The following MTO1 variants were observed in gnomAD, a reference collection of about 807,000 sequenced individuals.
MTO1 encodes the protein mitochondrial tRNA translation optimization 1.
MTO1 carries 46 observed loss-of-function variants against 71.6 expected under a neutral mutation model. The observed-to-expected ratio is 0.64, with a 90% CI of 0.51 to 0.82. The LOEUF (loss-of-function observed/expected upper bound fraction) is 0.82, where lower values mean the gene tolerates loss of function less well. MTO1 is among the 40% of genes least tolerant of loss of function. The pLI, the probability that MTO1 is intolerant of heterozygous loss-of-function variation, is 0.00. For synonymous variants in MTO1, 297 were observed against 312.1 expected, an observed-to-expected ratio of 0.95 and a Z score of 0.51; for missense variants, 773 against 867.5, an observed-to-expected ratio of 0.89 and a Z score of 1.37.
chr6:73,481,941 T>C, intron 7 of MTO1, 99 bp from the exon 8 acceptor site: 1 of 1,327,672 alleles, frequency 7.5e-7, no homozygotes, highest in Non-Finnish European at 1.1e-6. Context: ...ATACTTGCTT[T>C]CTTCCTGTCC....
intron 9 of MTO1, among the ~76,000 whole-genome samples, chr6:73,488,663 A>C (rs1771725263): frequency 6.6e-6 from 1 of 151,862 alleles, no homozygotes; most frequent in South Asian, 2.1e-4. Flanking sequence ...TAATTTCAGC[A>C]CTTGGGAGGC....
At chr6:73,495,077 C>T (rs1242427856) in intron 10 of MTO1, among the ~76,000 whole-genome samples, 4 of 152,098 alleles carry the variant, frequency 2.6e-5, no homozygotes, top group African/African-American at 9.7e-5. Flanking sequence ...AGCCACCATA[C>T]CCAGCCAGCA....
In MTO1 at chr6:73,473,379, G is replaced by A; in HGVS notation, c.550G>A (p.Val184Ile). ...TTGTTATTTAGTGGATGGAAGCACA[G>A]TATATGCAGAGAGTGTGATTCTGAC... Reference protein sequence around the residue: ...SGVVLVDGSTVYAESVILTTG... With the variant: ...SGVVLVDGSTIYAESVILTTG... The change falls in exon 4 of 12, where the codon GTA (valine) becomes ATA (isoleucine). Residue 184 changes from valine to isoleucine, a missense_variant. By Grantham distance (29) the Val-to-Ile change is conservative. Coordinates refer to ENST00000498286, the MANE Select transcript of MTO1 (RefSeq NM_012123.4). The A allele has an allele frequency of 6.2e-7, 1 of 1,613,368 alleles. No homozygotes were observed. The highest frequency in any genetic ancestry group is 8.5e-7 in the Non-Finnish European group (1 of 1,179,500).
chr6:73,499,089 T>G (rs1015769608), intron 11 of MTO1, among the ~76,000 whole-genome samples: 2 of 152,056 alleles, frequency 1.3e-5, no homozygotes, highest in African/African-American at 2.4e-5. Context: ...ATTTTTTTTT[T>G]AGTAGTGTTT....
chr6:73,481,054 G>A, intron 7 of MTO1: 1 of 452,138 alleles, frequency 2.2e-6, no homozygotes. Flanking sequence ...CCAGCTTCAA[G>A]CGATCCTCCT....
rs972798325 is a variant in MTO1 at position 73,503,041 on chromosome 6, A to G, written c.*2306A>G. 2.0e-5 allele frequency: 3 copies of G among 152,236 alleles called. No homozygotes were observed. Among genetic ancestry groups the G allele is most frequent in the Admixed American group, 6.5e-5 (1 of 15,272 alleles). The allele number at this position is 152,236 out of a possible 1,614,324, so 9.4% of individuals were successfully genotyped here. A position where few individuals can be genotyped will look rare whatever the true frequency, so the allele number is the denominator to read the frequency against. The stretch of plus-strand genomic sequence containing the variant: ...TGTAATGCTATTCCATTACAATAGT[A>G]ACTGTCTCACTGAAAAATGTTTCAT... On this transcript the variant is annotated 3_prime_UTR_variant, in exon 12 of 12. Coordinates refer to ENST00000498286, the MANE Select transcript of MTO1 (RefSeq NM_012123.4).
chr6:73,494,166 C>T (rs1398190458), intron 10 of MTO1, among the ~76,000 whole-genome samples: 2 of 151,614 alleles, frequency 1.3e-5, no homozygotes, highest in East Asian at 2.0e-4. Context: ...ACCCAGGAGA[C>T]GGAGGTTGCA....
chr6:73,493,583 G>T (rs1410170760), intron 10 of MTO1, among the ~76,000 whole-genome samples: 1 of 151,422 alleles, frequency 6.6e-6, no homozygotes, highest in Non-Finnish European at 1.5e-5. Context: ...TAGAGACAGG[G>T]TTTCATCACA....
chr6:73,498,787 C>T lies in MTO1; in HGVS notation c.1917+891C>T, dbSNP rs560834372. Among the ~76,000 whole-genome samples the T allele has an allele frequency of 1.5e-4, 23 of 151,558 alleles. 1 individual carries two copies. Among genetic ancestry groups the T allele is most frequent in the African/African-American group, 5.6e-4 (23 of 41,282 alleles). The stretch of plus-strand genomic sequence containing the variant: ...GTCACCAGGCTGGAGTGCAGTGGAA[C>T]GATCTCGGCTCACTGCAACCTCTGC... On this transcript the variant is annotated intron_variant, in intron 11 of 11. Transcript: ENST00000498286.
At chr6:73,479,590 A>G in intron 4 of MTO1, 142 bp from the exon 5 acceptor site, 1 of 558,108 alleles carries the variant, frequency 1.8e-6, no homozygotes. Context: ...ATTTTTGGCA[A>G]GAATACTTCA....
At chr6:73,489,276 T>TC (rs1771740569) in intron 9 of MTO1, among the ~76,000 whole-genome samples, 2 of 84,590 alleles carry the variant, frequency 2.4e-5, no homozygotes, top group Admixed American at 9.5e-5. Flanking sequence ...TTTTCTTTTT[T>TC]TCTTTTTTTT....
At chr6:73,499,281 T>C (rs1490288496) in intron 11 of MTO1, among the ~76,000 whole-genome samples, 1 of 152,132 alleles carries the variant, frequency 6.6e-6, no homozygotes, top group African/African-American at 2.4e-5. Context: ...TTTCAGGTTA[T>C]GTTTGTATGG....
rs771939280 is a variant in MTO1, at chr6:73,482,241, C to T, written c.1462C>T (p.Arg488Ter). The change falls in exon 8 of 12, where the codon CGA becomes TGA. Residue 488 changes from arginine (R) to a stop codon, truncating the protein, a stop_gained. Transcript: ENST00000498286. LOFTEE classifies it high-confidence loss of function. ...PDNADSRLTL[R>*]GYKDAGCVSQ... ...TAATGCTGACAGCCGGCTCACACTGCGAGGTAACTCTTTCCTGAGTCCTGC... is the reference window on the plus strand; with the variant it reads ...TAATGCTGACAGCCGGCTCACACTGTGAGGTAACTCTTTCCTGAGTCCTGC... The T allele has an allele frequency of 1.1e-5, 18 of 1,613,816 alleles. No individual in the cohort carries two copies. The highest frequency in any genetic ancestry group is 3.3e-5 in the Admixed American group (2 of 59,972).
In MTO1 at chr6:73,480,797, G is replaced by A; in HGVS notation, c.1252G>A (p.Ala418Thr). The change falls in exon 7 of 12, where the codon GCA becomes ACA. Residue 418 changes from alanine (A) to threonine (T), a missense_variant. Coordinates refer to ENST00000498286, the MANE Select transcript of MTO1 (RefSeq NM_012123.4). ...INGTTGYEEA[A>T]AQGVIAGINA... The stretch of plus-strand genomic sequence containing the variant: ...TGGCACCACTGGTTATGAGGAAGCT[G>A]CAGCTCAAGTAAGAAGTTAAGATAT... The A allele has an allele frequency of 6.2e-7, 1 of 1,613,856 alleles. No individual in the cohort carries two copies. The highest frequency in any genetic ancestry group is 1.1e-5 in the South Asian group (1 of 91,064).
In MTO1 at chr6:73,480,120, C is replaced by G. The variant is rs753603538; in HGVS notation, c.1123C>G (p.Gln375Glu). 10 of 1,613,710 alleles carry G rather than the reference C, an allele frequency of 6.2e-6. No homozygotes were observed. The highest frequency in any genetic ancestry group is 1.7e-4 in the Middle Eastern group (1 of 6,056). Residue 375 changes from glutamine to glutamate, a missense_variant, in exon 6 of 12, where the codon CAG (glutamine) becomes GAG (glutamate). Physicochemically the swap from Gln to Glu is conservative, Grantham distance 29 (BLOSUM62 2). Coordinates refer to ENST00000498286, the MANE Select transcript of MTO1 (RefSeq NM_012123.4). ...AGGCTTGGAGAAAGCTAAAGTGATTCAGCCAGGTAAAGAAGATCACAAGTG... is the reference window on the plus strand; with the variant it reads ...AGGCTTGGAGAAAGCTAAAGTGATTGAGCCAGGTAAAGAAGATCACAAGTG... ...IRGLEKAKVI[Q>E]PGYGVQYDYL...
chr6:73,468,976 G>GT (rs1771072819), intron 3 of MTO1, among the ~76,000 whole-genome samples: 1 of 151,700 alleles, frequency 6.6e-6, no homozygotes, highest in Non-Finnish European at 1.5e-5. Context: ...CTTCCTTTAA[G>GT]TATCTAGCGA....
At chr6:73,495,310 C>G (rs1771952771) in intron 10 of MTO1, among the ~76,000 whole-genome samples, 1 of 152,148 alleles carries the variant, frequency 6.6e-6, no homozygotes, top group South Asian at 2.1e-4. Context: ...ATCACAATTT[C>G]TCTATTGAGT....
chr6:73,462,781 T>G (rs1770865160), intron 1 of MTO1, among the ~76,000 whole-genome samples: 1 of 152,188 alleles, frequency 6.6e-6, no homozygotes, highest in Non-Finnish European at 1.5e-5. Context: ...ACGGTTCTTG[T>G]GTTTTTATTT....
At position 73,501,341 on chromosome 6, in the gene MTO1, A is replaced by G. The variant is rs1772154231; in HGVS notation, c.*606A>G. 1 of 152,226 alleles carries G rather than the reference A, an allele frequency of 6.6e-6. No individual in the cohort carries two copies. The highest frequency in any genetic ancestry group is 1.9e-4 in the East Asian group (1 of 5,196). The allele number at this position is 152,226 out of a possible 1,614,324, so 9.4% of individuals were successfully genotyped here. ...GCCCTATAAAATAGAAAGATTGGAA[A>G]TCACCATTGTTTCCTATTATCCACA... On this transcript the variant is annotated 3_prime_UTR_variant, in exon 12 of 12. Transcript: ENST00000498286.
Sources: gnomAD v4.1 joint callset for allele counts (sites outside exome capture counted in the v4.1 genomes callset) on GRCh38, gnomAD v4.1.1 for gene constraint, MANE v1.5 for transcripts, NCBI Gene and HGNC (gene_info 2026-07-23, HGNC 2026-07-21) for gene names.